Variants in DPYD observed in about 807,000 individuals in gnomAD.
DPYD encodes dihydropyrimidine dehydrogenase [NADP(+)].
DPYD carries 109 observed loss-of-function variants against 116.2 expected under a neutral mutation model. That is an observed-to-expected ratio of 0.94 (90% CI 0.80 to 1.10). The LOEUF is 1.10. Ranked by LOEUF, DPYD falls within the 50% of genes least tolerant of loss-of-function variation. The probability of loss-of-function intolerance (pLI) is 0.00; values close to 1 mark genes in which losing one functional copy is unlikely to be tolerated. For missense variants in DPYD, 1,302 were observed against 1,254.5 expected, an observed-to-expected ratio of 1.04 and a Z score of -0.57; for synonymous variants, 440 against 432.0, an observed-to-expected ratio of 1.02 and a Z score of -0.23.
intron 8 of DPYD, among the ~76,000 whole-genome samples, chr1:97,634,564 T>C (rs961620916): frequency 6.6e-6 from 1 of 152,082 alleles, no homozygotes; most frequent in African/African-American, 2.4e-5. Context: ...ACTCTGAAGA[T>C]GTCAAAGCAG....
intron 12 of DPYD, among the ~76,000 whole-genome samples, chr1:97,544,695 T>G (rs2811168): frequency 0.1 from 15,321 of 149,816 alleles, 877 homozygotes; most frequent in Non-Finnish European, 0.13. Flanking sequence ...AACATTAAGA[T>G]TCCTTTAGAA....
chr1:97,899,107 T>G (rs1013008242), intron 1 of DPYD, among the ~76,000 whole-genome samples: 3 of 151,754 alleles, frequency 2.0e-5, no homozygotes, highest in East Asian at 3.9e-4. Flanking sequence ...TTTTGTTTTT[T>G]TTTTTAATGC....
intron 16 of DPYD, among the ~76,000 whole-genome samples, chr1:97,356,668 T>C (rs1046297446): frequency 3.3e-5 from 5 of 152,258 alleles, no homozygotes; most frequent in Non-Finnish European, 7.3e-5. Context: ...TACATTTACC[T>C]CTTTAATCCA....
intron 7 of DPYD, among the ~76,000 whole-genome samples, chr1:97,686,359 G>C (rs564753430): frequency 1.3e-5 from 2 of 151,846 alleles, no homozygotes; most frequent in Non-Finnish European, 2.9e-5. Context: ...CATATAGGCC[G>C]GGCGCGGTGG....
intron 2 of DPYD, among the ~76,000 whole-genome samples, chr1:97,838,448 CTCA>C (rs1669878292): frequency 6.6e-6 from 1 of 152,292 alleles, no homozygotes; most frequent in Non-Finnish European, 1.5e-5. Context: ...TAAAATTTTG[CTCA>C]TCAACTGTAA....
intron 2 of DPYD, among the ~76,000 whole-genome samples, chr1:97,872,156 C>T (rs940934912): frequency 6.6e-6 from 1 of 151,824 alleles, no homozygotes; most frequent in African/African-American, 2.4e-5. Context: ...GGTTCCACTG[C>T]CTGCCCTCAT....
chr1:97,331,136 A>G (rs556455297), intron 16 of DPYD, among the ~76,000 whole-genome samples: 184 of 152,250 alleles, frequency 1.2e-3, no homozygotes, highest in African/African-American at 4.4e-3. Flanking sequence ...CTCTTAGCCA[A>G]GTCACTAGCT....
intron 10 of DPYD, among the ~76,000 whole-genome samples, chr1:97,582,044 T>C (rs1036845216): frequency 2.6e-5 from 4 of 152,222 alleles, no homozygotes; most frequent in Non-Finnish European, 5.9e-5. Context: ...GCTTTTGGCA[T>C]GGCGTATCTG....
intron 18 of DPYD, among the ~76,000 whole-genome samples, chr1:97,288,871 C>T (rs1344849165): frequency 2.6e-5 from 4 of 151,922 alleles, no homozygotes; most frequent in Non-Finnish European, 5.9e-5. Context: ...ACACAAAAAA[C>T]CCTTCAAAAA....
chr1:97,732,783 TAATA>T (rs963673700), intron 4 of DPYD, among the ~76,000 whole-genome samples: 2 of 152,126 alleles, frequency 1.3e-5, no homozygotes, highest in Non-Finnish European at 2.9e-5. Flanking sequence ...GTAACATTAG[TAATA>T]AATGAATGAG....
At chr1:97,559,346 A>G (rs560908087) in intron 11 of DPYD, among the ~76,000 whole-genome samples, 1 of 152,176 alleles carries the variant, frequency 6.6e-6, no homozygotes, top group East Asian at 1.9e-4. Flanking sequence ...TTATTAAAAT[A>G]TAAGTGAACA....
rs560310800 is a variant in DPYD at position 97,180,196 on chromosome 1, T to G, written c.2622+12873A>C. On this transcript the variant is annotated intron_variant, in intron 20 of 22. Transcript: ENST00000370192. ...CAATTTTTTCCCCTGAAATCTTAGA[T>G]GAGGACAAATTGGCATAAAGCTCAA... Among the ~76,000 whole-genome samples the G allele has an allele frequency of 3.9e-5, 6 of 152,288 alleles. No homozygotes were observed. In the Middle Eastern group the frequency reaches 0.014, roughly 345 times the overall value.
intron 18 of DPYD, among the ~76,000 whole-genome samples, chr1:97,287,015 GT>G (rs1490471144): frequency 6.6e-6 from 1 of 152,178 alleles, no homozygotes; most frequent in Non-Finnish European, 1.5e-5. Context: ...AGAGTTTCCA[GT>G]TTTTCTGCTC....
At chr1:97,167,839 A>G (rs906606687) in intron 20 of DPYD, among the ~76,000 whole-genome samples, 1 of 152,174 alleles carries the variant, frequency 6.6e-6, no homozygotes, top group African/African-American at 2.4e-5. Context: ...GCCTAGAAAG[A>G]GTAAAGAGCC....
intron 3 of DPYD, among the ~76,000 whole-genome samples, chr1:97,758,522 T>C (rs1023256106): frequency 3.3e-5 from 5 of 152,178 alleles, no homozygotes; most frequent in Non-Finnish European, 7.4e-5. Flanking sequence ...TTAAAAAGAA[T>C]GTGAATAACT....
intron 16 of DPYD, among the ~76,000 whole-genome samples, chr1:97,333,565 G>T (rs1015850410): frequency 1.5e-5 from 2 of 134,724 alleles, no homozygotes; most frequent in Admixed American, 8.5e-5. Context: ...CTGTCGTACA[G>T]GCTGGAGTGC....
At chr1:97,813,349 T>C (rs971248068) in intron 3 of DPYD, among the ~76,000 whole-genome samples, 2 of 152,038 alleles carry the variant, frequency 1.3e-5, no homozygotes, top group Non-Finnish European at 2.9e-5. Flanking sequence ...TCCCAGAATA[T>C]GAAATTATAA....
Position 97,415,918 on chromosome 1 carries a change from T to G in DPYD, c.1906-33457A>C, listed in dbSNP as rs140050897. Among the ~76,000 whole-genome samples, 409 of 152,284 alleles carry G rather than the reference T, an allele frequency of 2.7e-3. 2 individuals are homozygous for G. The highest frequency in any genetic ancestry group is 9.2e-3 in the African/African-American group (384 of 41,568). ...CAAGAAGTTTATACTCCTTTGATGG[T>G]GGGGTCTCTTTCTTATAAGTTTTAT... On this transcript the variant is annotated intron_variant, in intron 14 of 22. Transcript: ENST00000370192.
intron 14 of DPYD, among the ~76,000 whole-genome samples, chr1:97,390,165 G>A (rs1672616706): frequency 6.6e-6 from 1 of 151,876 alleles, no homozygotes; most frequent in Non-Finnish European, 1.5e-5. Context: ...ATGCTATTTT[G>A]GTATTCTGTA....
Sources: gnomAD v4.1 joint callset for allele counts (sites outside exome capture counted in the v4.1 genomes callset) on GRCh38, gnomAD v4.1.1 for gene constraint, MANE v1.5 for transcripts, NCBI Gene and HGNC (gene_info 2026-07-23, HGNC 2026-07-21) for gene names.